The following FREM1 variants were observed in gnomAD, a reference collection of about 807,000 sequenced individuals.
FREM1 encodes FRAS1-related extracellular matrix protein 1.
Under a neutral mutation model 210.1 loss-of-function variants are expected in FREM1, and 220 were observed. The observed-to-expected ratio is 1.05, with a 90% CI of 0.94 to 1.17. The LOEUF is 1.17. FREM1 is among the 50% of genes most tolerant of loss of function. The pLI, the probability that FREM1 is intolerant of heterozygous loss-of-function variation, is 0.00. For missense variants in FREM1, 3,454 were observed against 2,675.5 expected, an observed-to-expected ratio of 1.29 and a Z score of -6.42; for synonymous variants, 1,189 against 980.2, an observed-to-expected ratio of 1.21 and a Z score of -3.98.
chr9:14,739,730 G>T (rs1157698884), intron 36 of FREM1, among the ~76,000 whole-genome samples: 1 of 151,186 alleles, frequency 6.6e-6, no homozygotes, highest in African/African-American at 2.4e-5. Context: ...ACATATATTT[G>T]TTAAATGAAT....
intron 1 of FREM1, among the ~76,000 whole-genome samples, chr9:14,896,017 G>A (rs531991187): frequency 6.6e-6 from 1 of 152,122 alleles, no homozygotes; most frequent in Admixed American, 6.5e-5. Flanking sequence ...ATTCCTAGAT[G>A]GTTAAGCATT....
chr9:14,806,276 C>T (rs1329403422), intron 18 of FREM1, among the ~76,000 whole-genome samples: 8 of 81,738 alleles, frequency 9.8e-5, no homozygotes, highest in Non-Finnish European at 1.5e-4. Flanking sequence ...TTTTTTGAGA[C>T]GGAGTTTCCG....
intron 1 of FREM1, among the ~76,000 whole-genome samples, chr9:14,886,621 G>A (rs145062614): frequency 3.2e-4 from 49 of 151,622 alleles, no homozygotes; most frequent in African/African-American, 1.1e-3. Context: ...AATGTACAGG[G>A]GCGGTGGCTC....
intron 16 of FREM1, among the ~76,000 whole-genome samples, chr9:14,810,651 C>G (rs1425220998): frequency 1.6e-4 from 24 of 152,062 alleles, no homozygotes; most frequent in Non-Finnish European, 1.5e-5. Context: ...AGATGTTATT[C>G]TATTACTAAA....
intron 12 of FREM1, 118 bp from the exon 13 acceptor site, chr9:14,823,445 C>T (rs1458493952): frequency 2.4e-6 from 2 of 826,062 alleles, no homozygotes; most frequent in Admixed American, 5.0e-5. Context: ...CCACCATCAT[C>T]ACTTTGAAGA....
intron 10 of FREM1, among the ~76,000 whole-genome samples, chr9:14,829,625 G>A (rs1316233025): frequency 1.3e-5 from 2 of 152,150 alleles, no homozygotes; most frequent in Admixed American, 6.5e-5. Context: ...GTATTATGAT[G>A]TCATAAGAAG....
chr9:14,816,939 A>G (rs1820414769), intron 14 of FREM1, 68 bp from the exon 15 acceptor site: 4 of 495,280 alleles, frequency 8.1e-6, no homozygotes, highest in Non-Finnish European at 6.9e-6. Context: ...TGCATGATAC[A>G]TGAGCTCTTC....
intron 6 of FREM1, among the ~76,000 whole-genome samples, chr9:14,850,759 A>G (rs1389749545): frequency 6.6e-6 from 1 of 152,220 alleles, no homozygotes; most frequent in East Asian, 1.9e-4. Flanking sequence ...AAAGAATTGT[A>G]AACAAAAGTC....
chr9:14,865,656 T>A (rs1226558084), intron 2 of FREM1, among the ~76,000 whole-genome samples: 1 of 138,692 alleles, frequency 7.2e-6, no homozygotes, highest in African/African-American at 2.8e-5. Flanking sequence ...AGAATAATGT[T>A]TAGGCTGTGT....
rs1564104345 is a variant in FREM1 at position 14,861,002 on chromosome 9, CACATATAT to C, written c.330-1526_330-1519del. Among the ~76,000 whole-genome samples the C allele has an allele frequency of 2.1e-4, 21 of 101,352 alleles. 2 individuals are homozygous for C. The highest frequency in any genetic ancestry group is 8.3e-4 in the African/African-American group (19 of 22,890). The allele number at this position is 101,352 out of a possible 152,430, so 66.5% of individuals were successfully genotyped here. On this transcript the variant is annotated intron_variant, in intron 3 of 36. Coordinates refer to ENST00000380880, the MANE Select transcript of FREM1 (RefSeq NM_001379081.2). Reference sequence around the variant, plus strand: ...ATATACACATATATACATATATATACACATATATACATATATACACATATATACATATA... The same window carrying C: ...ATATACACATATATACATATATATACACATATATACACATATATACATATA...
At chr9:14,847,767 C>G (rs1426125049) in intron 7 of FREM1, among the ~76,000 whole-genome samples, 2 of 152,154 alleles carry the variant, frequency 1.3e-5, no homozygotes, top group East Asian at 3.9e-4. Flanking sequence ...CTGGGTGTCA[C>G]CGATCACACA....
rs1293403774 is a variant in FREM1, at chr9:14,842,303, GC to G, written c.1738+12del. On this transcript the variant is annotated intron_variant, in intron 9 of 36. Coordinates refer to ENST00000380880, the MANE Select transcript of FREM1 (RefSeq NM_001379081.2). ...GAATTCCATTCAAATGATCTTAACT[GC>G]CCAGAACTTACCTATCAGTCCTGGC... is the stretch of plus-strand genomic sequence containing the variant. 2.0e-6 allele frequency: 3 copies of G among 1,494,352 alleles called. No homozygotes were observed. The highest frequency in any genetic ancestry group is 2.7e-6 in the Non-Finnish European group (3 of 1,099,214). The allele number at this position is 1,494,352 out of a possible 1,614,324, so 92.6% of individuals were successfully genotyped here. A position where few individuals can be genotyped will look rare whatever the true frequency, so the allele number is the denominator to read the frequency against.
At chr9:14,791,800 G>T (rs898494383) in intron 22 of FREM1, among the ~76,000 whole-genome samples, 24 of 150,918 alleles carry the variant, frequency 1.6e-4, no homozygotes, top group African/African-American at 5.8e-4. Context: ...AAGGCAGGAG[G>T]TGATAATACT....
chr9:14,795,480 G>A (rs1852202226), intron 21 of FREM1, among the ~76,000 whole-genome samples: 1 of 152,164 alleles, frequency 6.6e-6, no homozygotes, highest in Admixed American at 6.5e-5. Context: ...GCAGTTTCCG[G>A]GAGAAGGAAA....
intron 22 of FREM1, among the ~76,000 whole-genome samples, chr9:14,790,301 T>C (rs1851078628): frequency 6.6e-6 from 1 of 152,190 alleles, no homozygotes; most frequent in African/African-American, 2.4e-5. Context: ...TTCTACTTGA[T>C]AACGTTTCTT....
rs912681830 is a variant in FREM1, at chr9:14,774,482, T to C, written c.4857+1307A>G. Among the ~76,000 whole-genome samples, 5 of 149,760 alleles carry C rather than the reference T, an allele frequency of 3.3e-5. No homozygotes were observed. In the South Asian group the frequency reaches 1.1e-3, roughly 32 times the overall value. ...GGACATGCCAGGCCCTAAAATTGCA[T>C]GAGCCAATGAGCCAATTTCCTAAAA... On this transcript the variant is annotated intron_variant, in intron 25 of 36. Transcript: ENST00000380880.
chr9:14,851,557 C>A lies in FREM1; in HGVS notation c.879G>T (p.Gln293His), dbSNP rs748097969. 7 of 1,613,868 alleles carry A rather than the reference C, an allele frequency of 4.3e-6. No homozygotes were observed. The Admixed American group carries it at 8.3e-5, about 19-fold the overall frequency. The change falls in exon 6 of 37, where the codon CAG becomes CAT. Residue 293 changes from glutamine to histidine, a missense_variant. Physicochemically the swap from Gln to His is conservative, Grantham distance 24. Transcript: ENST00000380880. ...PVYIRAGIPN[Q>H]IPKAAFMAVF... ...CGGCCATGAATGCAGCCTTTGGAAT[C>A]TGATTCGGAATTCCAGCTCTGATAT...
At chr9:14,861,370 CGT>C (rs1467226045) in intron 3 of FREM1, among the ~76,000 whole-genome samples, 6 of 85,916 alleles carry the variant, frequency 7.0e-5, no homozygotes, top group Non-Finnish European at 1.4e-4. Context: ...CATATATACA[CGT>C]ATATACATAT....
intron 29 of FREM1, among the ~76,000 whole-genome samples, chr9:14,755,262 A>C (rs1187226262): frequency 6.6e-6 from 1 of 152,232 alleles, no homozygotes; most frequent in Non-Finnish European, 1.5e-5. Context: ...TGAACTGCAG[A>C]GAGCCATTTC....
Sources: gnomAD v4.1 joint callset for allele counts (sites outside exome capture counted in the v4.1 genomes callset) on GRCh38, gnomAD v4.1.1 for gene constraint, MANE v1.5 for transcripts, NCBI Gene and HGNC (gene_info 2026-07-23, HGNC 2026-07-21) for gene names.